Variants in SUPT3H observed in about 807,000 individuals in gnomAD.
The protein encoded by SUPT3H is SPT3 homolog, SAGA and STAGA complex component.
Under a neutral mutation model 44.3 loss-of-function variants are expected in SUPT3H, and 44 were observed. The observed-to-expected ratio is 0.99, with a 90% CI of 0.78 to 1.28. SUPT3H has a LOEUF of 1.28. Among genes scored for constraint, SUPT3H ranks in the 50% most tolerant of loss-of-function variants. The probability of loss-of-function intolerance (pLI) is 0.00; values close to 1 mark genes in which losing one functional copy is unlikely to be tolerated. For synonymous variants in SUPT3H, 124 were observed against 125.6 expected (o/e 0.99, Z 0.09); for missense variants, 380 against 387.1 (o/e 0.98, Z 0.15).
At chr6:44,916,728 A>G (rs948813312) in intron 10 of SUPT3H, among the ~76,000 whole-genome samples, 5 of 152,192 alleles carry the variant, frequency 3.3e-5, no homozygotes, top group African/African-American at 1.2e-4. Context: ...ATCTACATTT[A>G]AATTCTAATA....
At chr6:45,176,250 T>C (rs1170288815) in intron 2 of SUPT3H, among the ~76,000 whole-genome samples, 4 of 151,934 alleles carry the variant, frequency 2.6e-5, no homozygotes, top group East Asian at 3.9e-4. Flanking sequence ...GGGCGAGGCA[T>C]TGCCTCACCT....
intron 6 of SUPT3H, among the ~76,000 whole-genome samples, chr6:44,980,281 C>T (rs965930776): frequency 1.3e-5 from 2 of 151,084 alleles, no homozygotes; most frequent in Non-Finnish European, 2.9e-5. Context: ...AGTAAGTCCT[C>T]ACTTCATCTC....
At chr6:45,238,786 A>G (rs1445884170) in intron 2 of SUPT3H, among the ~76,000 whole-genome samples, 1 of 152,202 alleles carries the variant, frequency 6.6e-6, no homozygotes, top group Non-Finnish European at 1.5e-5. Flanking sequence ...GATCCTGGAA[A>G]AATTATTGTC....
intron 2 of SUPT3H, among the ~76,000 whole-genome samples, chr6:45,275,719 A>G (rs2153663852): frequency 6.6e-6 from 1 of 152,268 alleles, no homozygotes; most frequent in Non-Finnish European, 1.5e-5. Context: ...GTAAGTTGTT[A>G]ATATTAGGGG....
intron 2 of SUPT3H, among the ~76,000 whole-genome samples, chr6:45,158,540 A>G (rs1297300165): frequency 6.6e-6 from 1 of 151,742 alleles, no homozygotes; most frequent in East Asian, 1.9e-4. Context: ...AAAACATCTG[A>G]ACTCTACACA....
chr6:45,187,434 C>T (rs943129658), intron 2 of SUPT3H, among the ~76,000 whole-genome samples: 4 of 151,862 alleles, frequency 2.6e-5, no homozygotes, highest in Admixed American at 6.6e-5. Flanking sequence ...AAAAGACAAC[C>T]CACACACAGA....
intron 3 of SUPT3H, among the ~76,000 whole-genome samples, chr6:45,045,528 C>G (rs1789249050): frequency 6.6e-6 from 1 of 152,148 alleles, no homozygotes; most frequent in Non-Finnish European, 1.5e-5. Context: ...AGTTGCTTAT[C>G]AGCTTAAGGA....
chr6:45,349,567 T>C (rs774822760), intron 2 of SUPT3H, among the ~76,000 whole-genome samples: 1 of 152,228 alleles, frequency 6.6e-6, no homozygotes, highest in Non-Finnish European at 1.5e-5. Flanking sequence ...AGCAGTTTAA[T>C]GGTTCAGCAA....
Position 44,854,309 on chromosome 6 carries a change from T to C in SUPT3H, c.913-24452A>G, listed in dbSNP as rs371156289. ...AATGCACTGTACCATCATCCTTCTA[T>C]GGACTCTTTTAATAACACCCTAACT... On this transcript the variant is annotated intron_variant, in intron 10 of 10. Coordinates refer to ENST00000371459, the MANE Select transcript of SUPT3H (RefSeq NM_003599.4). 1.2e-4 allele frequency among the ~76,000 whole-genome samples: 18 copies of C among 152,318 alleles called. No individual in the cohort carries two copies. The East Asian group carries it at 2.9e-3, about 24-fold the overall frequency.
At chr6:44,912,994 A>G (rs952072681) in intron 10 of SUPT3H, among the ~76,000 whole-genome samples, 1 of 152,186 alleles carries the variant, frequency 6.6e-6, no homozygotes, top group Non-Finnish European at 1.5e-5. Flanking sequence ...AATGTGTGAA[A>G]TACTTGACTC....
chr6:45,214,015 C>CA (rs11418358), intron 2 of SUPT3H, among the ~76,000 whole-genome samples: 3,329 of 74,096 alleles, frequency 0.045, 386 homozygotes, highest in African/African-American at 0.16. Flanking sequence ...TTTTGAAATG[C>CA]AAAAAAAAAA....
intron 2 of SUPT3H, among the ~76,000 whole-genome samples, chr6:45,341,334 G>A (rs1789732525): frequency 6.6e-6 from 1 of 152,092 alleles, no homozygotes; most frequent in Admixed American, 6.6e-5. Flanking sequence ...CAAAGATAAA[G>A]CACTAAGGAA....
intron 3 of SUPT3H, among the ~76,000 whole-genome samples, chr6:45,021,137 G>A (rs891195889): frequency 2.6e-5 from 4 of 151,812 alleles, no homozygotes; most frequent in Non-Finnish European, 5.9e-5. Flanking sequence ...AGTCTTCAGT[G>A]GGTAAAGGAT....
Position 44,996,585 on chromosome 6 carries a change from T to C in SUPT3H, c.504+7068A>G, listed in dbSNP as rs79294255. On this transcript the variant is annotated intron_variant, in intron 6 of 10. Coordinates refer to ENST00000371459, the MANE Select transcript of SUPT3H (RefSeq NM_003599.4). ...CTTGAAAAATTCACAAAATTTAGCA[T>C]ACAAAACCCTCTGAAAATTCCTAAA... Among the ~76,000 whole-genome samples, 435 of 151,952 alleles carry C rather than the reference T, an allele frequency of 2.9e-3. 1 individual carries two copies. The highest frequency in any genetic ancestry group is 0.01 in the Middle Eastern group (3 of 294).
chr6:45,299,320 A>G (rs1398326596), intron 2 of SUPT3H, among the ~76,000 whole-genome samples: 1 of 138,496 alleles, frequency 7.2e-6, no homozygotes, highest in Non-Finnish European at 1.5e-5. Flanking sequence ...TGGGCAACAC[A>G]GCAAGACTCT....
At chr6:45,192,976 C>A (rs1815391856) in intron 2 of SUPT3H, among the ~76,000 whole-genome samples, 2 of 152,052 alleles carry the variant, frequency 1.3e-5, no homozygotes. Flanking sequence ...TATGACCAGC[C>A]CGCCCAAATT....
At chr6:45,176,553 C>T (rs577882765) in intron 2 of SUPT3H, among the ~76,000 whole-genome samples, 63 of 152,192 alleles carry the variant, frequency 4.1e-4, no homozygotes, top group Admixed American at 4.0e-3. Context: ...CCAGGAAGCT[C>T]GAACTGGGTG....
chr6:45,123,748 C>T (rs1320063085), intron 2 of SUPT3H, among the ~76,000 whole-genome samples: 4 of 152,098 alleles, frequency 2.6e-5, no homozygotes, highest in Admixed American at 2.6e-4. Context: ...GCTATAAGGT[C>T]TCTTTTGCAC....
intron 10 of SUPT3H, among the ~76,000 whole-genome samples, chr6:44,844,220 C>A (rs1281684195): frequency 9.2e-5 from 14 of 151,990 alleles, no homozygotes. Flanking sequence ...CGATTCTTAC[C>A]CCATACCATG....
Sources: gnomAD v4.1 joint callset for allele counts (sites outside exome capture counted in the v4.1 genomes callset) on GRCh38, gnomAD v4.1.1 for gene constraint, MANE v1.5 for transcripts, NCBI Gene and HGNC (gene_info 2026-07-23, HGNC 2026-07-21) for gene names.